The following GATB variants were observed in gnomAD, a reference collection of about 807,000 sequenced individuals.
GATB encodes the protein glutamyl-tRNA amidotransferase subunit B.
GATB carries 39 observed loss-of-function variants against 62.3 expected under a neutral mutation model. The ratio of observed to expected loss-of-function variants is 0.63; its 90% CI spans 0.48 to 0.82. GATB has a LOEUF of 0.82. GATB is among the 40% of genes least tolerant of loss of function. The pLI, the probability that GATB is intolerant of heterozygous loss-of-function variation, is 0.00. For synonymous variants in GATB, 276 were observed against 258.9 expected (o/e 1.07, Z -0.63); for missense variants, 670 against 684.0 (o/e 0.98, Z 0.23).
intron 2 of GATB, among the ~76,000 whole-genome samples, chr4:151,728,053 T>G (rs1459465533): frequency 3.9e-5 from 6 of 152,202 alleles, no homozygotes; most frequent in Admixed American, 1.3e-4. Context: ...TTGTGATAAT[T>G]ACTTGTGTTA....
At chr4:151,738,764 C>A (rs1739427637) in intron 2 of GATB, among the ~76,000 whole-genome samples, 1 of 152,184 alleles carries the variant, frequency 6.6e-6, no homozygotes. Flanking sequence ...TAAATGTTTA[C>A]AACCAGCTAT....
intron 10 of GATB, among the ~76,000 whole-genome samples, chr4:151,683,686 T>C (rs979939963): frequency 6.6e-6 from 1 of 152,244 alleles, no homozygotes; most frequent in Non-Finnish European, 1.5e-5. Flanking sequence ...GAGTGCCCTC[T>C]GTCACATATG....
chr4:151,727,245 T>C (rs564287968), intron 2 of GATB, among the ~76,000 whole-genome samples: 2 of 152,310 alleles, frequency 1.3e-5, no homozygotes, highest in East Asian at 1.9e-4. Flanking sequence ...CATGTACCAC[T>C]GGAATACTAA....
In GATB at chr4:151,719,476, T is replaced by C; in HGVS notation, c.390A>G (p.Ile130Met). The C allele has an allele frequency of 1.9e-6, 3 of 1,612,116 alleles. No individual in the cohort carries two copies. The highest frequency in any genetic ancestry group is 2.7e-5 in the African/African-American group (2 of 74,984). ...VMTGLALNCH[I>M]NKKSLFDRKH... is the part of the protein sequence containing the mutation. ...TCCTGTCAAACAAGGACTTCTTGTT[T>C]ATGTGGCAGTTCAGAGCCAGGCCTG... Residue 130 changes from isoleucine (I) to methionine (M), a missense_variant, in exon 3 of 13, where the codon ATA becomes ATG. Coordinates refer to ENST00000263985, the MANE Select transcript of GATB (RefSeq NM_004564.3).
chr4:151,714,685 A>G (rs190631982), intron 5 of GATB, among the ~76,000 whole-genome samples: 2 of 152,342 alleles, frequency 1.3e-5, no homozygotes, highest in East Asian at 1.9e-4. Flanking sequence ...GGTAGGAATC[A>G]CAGTTATTTT....
chr4:151,672,482 AT>A (rs1281931709), intron 12 of GATB: 1 of 370,400 alleles, frequency 2.7e-6, no homozygotes, highest in East Asian at 4.4e-5. Context: ...CACAGCTTGG[AT>A]TTCGTGAGCT....
intron 11 of GATB, among the ~76,000 whole-genome samples, chr4:151,678,334 C>T (rs1005870327): frequency 3.3e-5 from 5 of 152,194 alleles, no homozygotes; most frequent in Admixed American, 1.3e-4. Flanking sequence ...ATCTTATTCA[C>T]CGCACTAGGT....
chr4:151,723,335 AG>A (rs1385187915), intron 2 of GATB: 1 of 152,240 alleles, frequency 6.6e-6, no homozygotes, highest in Non-Finnish European at 1.5e-5. Context: ...CAGTTTGGTC[AG>A]GGTGACACAT....
intron 8 of GATB, among the ~76,000 whole-genome samples, chr4:151,702,783 T>C (rs1738631885): frequency 1.3e-5 from 2 of 152,184 alleles, no homozygotes; most frequent in African/African-American, 2.4e-5. Context: ...CTGCCCATTT[T>C]TGTCAAAGGG....
rs570991212 is a variant in GATB, at chr4:151,756,465, C to T, written c.327+2307G>A. 1.0e-3 allele frequency among the ~76,000 whole-genome samples: 158 copies of T among 152,258 alleles called. 2 individuals carry two copies. The South Asian group carries it at 0.032, about 31-fold the overall frequency. ...CTGGGAGTTTGGGTATAATGTTGCT[C>T]ACGTACAAAATGAGGTCCCTTAAAG... On this transcript the variant is annotated intron_variant, in intron 2 of 12. Transcript: ENST00000263985.
At chr4:151,715,701 AAC>A (rs1209596844) in intron 5 of GATB, among the ~76,000 whole-genome samples, 2 of 152,220 alleles carry the variant, frequency 1.3e-5, no homozygotes, top group Non-Finnish European at 2.9e-5. Context: ...GTTCTTGATA[AAC>A]AGTGTCTTCT....
intron 6 of GATB, among the ~76,000 whole-genome samples, chr4:151,706,992 T>A (rs1738728177): frequency 6.6e-6 from 1 of 152,260 alleles, no homozygotes; most frequent in African/African-American, 2.4e-5. Flanking sequence ...CTTGCTAAAC[T>A]ATTTTAGTTA....
intron 2 of GATB, among the ~76,000 whole-genome samples, chr4:151,728,274 A>G (rs545664318): frequency 7.2e-5 from 11 of 152,298 alleles, no homozygotes; most frequent in Admixed American, 2.0e-4. Context: ...CTCCCATCTC[A>G]TTCTTGCCTG....
chr4:151,673,081 A>G (rs1043992793), intron 11 of GATB, 185 bp from the exon 12 acceptor site: 3 of 656,022 alleles, frequency 4.6e-6, no homozygotes, highest in Non-Finnish European at 7.6e-6. Context: ...GGCTCTCCTG[A>G]GGCATCCCTG....
chr4:151,750,231 A>G (rs1315575274), intron 2 of GATB, among the ~76,000 whole-genome samples: 2 of 152,198 alleles, frequency 1.3e-5, no homozygotes, highest in Non-Finnish European at 2.9e-5. Flanking sequence ...TTTTTAAATA[A>G]CTGATCATGA....
intron 2 of GATB, among the ~76,000 whole-genome samples, chr4:151,736,703 C>G (rs1685447355): frequency 6.6e-6 from 1 of 152,152 alleles, no homozygotes; most frequent in Non-Finnish European, 1.5e-5. Context: ...TGTTCCCCAC[C>G]CAAATCTCAT....
intron 10 of GATB, among the ~76,000 whole-genome samples, chr4:151,686,652 G>GGCC (rs1738253145): frequency 1.4e-5 from 1 of 70,922 alleles, no homozygotes; most frequent in African/African-American, 6.3e-5. Context: ...TCCCCGCCCC[G>GGCC]CCCCCCCCCC....
At chr4:151,742,784 G>T (rs1459837150) in intron 2 of GATB, among the ~76,000 whole-genome samples, 1 of 152,110 alleles carries the variant, frequency 6.6e-6, no homozygotes, top group Non-Finnish European at 1.5e-5. Flanking sequence ...TGTCAGATAT[G>T]GCTTCATAAT....
intron 2 of GATB, among the ~76,000 whole-genome samples, chr4:151,746,591 T>G (rs1295208575): frequency 6.6e-6 from 1 of 152,194 alleles, no homozygotes; most frequent in Non-Finnish European, 1.5e-5. Context: ...AAGAATGCTG[T>G]CCTTAGTGTA....
Sources: allele counts gnomAD v4.1 joint callset (sites outside exome capture counted in the v4.1 genomes callset), GRCh38; gene constraint gnomAD v4.1.1; transcripts MANE v1.5; gene names NCBI Gene and HGNC (gene_info 2026-07-23, HGNC 2026-07-21).